Variants in TPH1 observed in about 807,000 individuals in gnomAD.
The protein encoded by TPH1 is tryptophan hydroxylase 1.
A neutral mutation model predicts 49.5 loss-of-function variants in TPH1; 37 were observed. That is an observed-to-expected ratio of 0.75 (90% CI 0.58 to 0.98). The LOEUF is 0.98. TPH1 is among the 50% of genes least tolerant of loss of function. The probability of loss-of-function intolerance (pLI) is 0.00; values close to 1 mark genes in which losing one functional copy is unlikely to be tolerated. For missense variants in TPH1, 487 were observed against 523.6 expected (o/e 0.93, Z 0.68); for synonymous variants, 160 against 182.1 (o/e 0.88, Z 0.98).
chr11:18,031,158 C>T (rs540990614), intron 4 of TPH1, among the ~76,000 whole-genome samples: 1 of 152,260 alleles, frequency 6.6e-6, no homozygotes, highest in Admixed American at 6.5e-5. Flanking sequence ...ACCAGTAATC[C>T]ACTGTCTATT....
At chr11:18,044,769 AC>A (rs1172883983) in intron 1 of TPH1, among the ~76,000 whole-genome samples, 15 of 125,792 alleles carry the variant, frequency 1.2e-4, no homozygotes, top group Non-Finnish European at 2.0e-4. Context: ...ACAAAACAAA[AC>A]AAAACAAAAA....
rs564080254 is a variant in TPH1, at chr11:18,037,182, G to C, written c.118-1040C>G. On this transcript the variant is annotated intron_variant, in intron 2 of 10. Transcript: ENST00000682019. ...AGGACCAGCCTGGACCACATAGCAA[G>C]ACCCTGTCTCTACAAAAAATAATAA... is the stretch of plus-strand genomic sequence containing the variant. Among the ~76,000 whole-genome samples, 5 of 152,042 alleles carry C rather than the reference G, an allele frequency of 3.3e-5. No individual in the cohort carries two copies. The South Asian group carries it at 1.0e-3, about 32-fold the overall frequency.
At chr11:18,038,531 T>C (rs1848068578) in intron 2 of TPH1, among the ~76,000 whole-genome samples, 1 of 152,084 alleles carries the variant, frequency 6.6e-6, no homozygotes, top group South Asian at 2.1e-4. Flanking sequence ...TGAGAGCAGC[T>C]CTCTATCAGA....
Position 18,020,985 on chromosome 11 carries a change from C to T in TPH1, c.*6G>A, listed in dbSNP as rs1384562476. The stretch of plus-strand genomic sequence containing the variant: ...TGCTCAAATGTTCCTGGATGACTGG[C>T]TACTGTTAGATACTCGGCTTCCTGC... On this transcript the variant is annotated 3_prime_UTR_variant, in exon 11 of 11. Transcript: ENST00000682019. The T allele has an allele frequency of 1.2e-6, 2 of 1,613,768 alleles. No homozygotes were observed. Among genetic ancestry groups the T allele is most frequent in the Non-Finnish European group, 1.7e-6 (2 of 1,179,792 alleles).
At chr11:18,026,181 C>T (rs950445716) in intron 7 of TPH1, among the ~76,000 whole-genome samples, 1 of 152,066 alleles carries the variant, frequency 6.6e-6, no homozygotes, top group Non-Finnish European at 1.5e-5. Context: ...TTATCTGTTT[C>T]CCCCACTGGA....
At chr11:18,046,007 G>T (rs1564861387) in intron 1 of TPH1, among the ~76,000 whole-genome samples, 1 of 152,204 alleles carries the variant, frequency 6.6e-6, no homozygotes, top group Non-Finnish European at 1.5e-5. Flanking sequence ...TGGCTAAAGA[G>T]TCTGTTCCTG....
rs1455602377 is a variant in TPH1 at position 18,023,913 on chromosome 11, A to C, written c.1001T>G (p.Leu334Ter). 26 of 1,613,282 alleles carry C rather than the reference A, an allele frequency of 1.6e-5. No individual in the cohort carries two copies. Among genetic ancestry groups the C allele is most frequent in the Non-Finnish European group, 2.2e-5 (26 of 1,179,660 alleles). The stretch of plus-strand genomic sequence containing the variant: ...TTTGAGTTCACTGATAGAAGAAAGT[A>C]AGCCAGCACCAAAGACTCTTAGCTG... The part of the protein sequence containing the change: ...DGQLRVFGAG[L>*]LSSISELKHA... The change falls in exon 9 of 11, where the codon TTA (leucine) becomes TGA (stop). Residue 334 changes from leucine to a stop codon, truncating the protein, a stop_gained. Transcript: ENST00000682019. LOFTEE classifies it high-confidence loss of function.
At chr11:18,037,525 A>T (rs1434114261) in intron 2 of TPH1, among the ~76,000 whole-genome samples, 1 of 152,198 alleles carries the variant, frequency 6.6e-6, no homozygotes, top group Non-Finnish European at 1.5e-5. Flanking sequence ...GATCAGGTGT[A>T]AAGAAGAGTT....
Position 18,019,315 on chromosome 11 carries a change from TA to T in TPH1, c.*1675del, listed in dbSNP as rs1255707820. The stretch of plus-strand genomic sequence containing the variant: ...AAAAGCCTATTTTTAAGTAGCTGAC[TA>T]AACCTAAAAATGATTGAAAATACGA... On this transcript the variant is annotated 3_prime_UTR_variant, in exon 11 of 11. Coordinates refer to ENST00000682019, the MANE Select transcript of TPH1 (RefSeq NM_004179.3). 1 of 165,160 alleles carries T rather than the reference TA, an allele frequency of 6.1e-6. No homozygotes were observed. The highest frequency in any genetic ancestry group is 1.3e-5 in the Non-Finnish European group (1 of 76,300). 10.2% of individuals were successfully genotyped at this position (165,160 alleles called of 1,614,324 possible). A position where few individuals can be genotyped will look rare whatever the true frequency, so the allele number is the denominator to read the frequency against.
At chr11:18,042,083 A>T (rs1363386077) in intron 1 of TPH1, among the ~76,000 whole-genome samples, 1 of 151,498 alleles carries the variant, frequency 6.6e-6, no homozygotes, top group African/African-American at 2.4e-5. Flanking sequence ...CCTTCCCACC[A>T]CCCCACCCCT....
chr11:18,021,653 C>T (rs1854365081), intron 10 of TPH1, among the ~76,000 whole-genome samples: 1 of 152,168 alleles, frequency 6.6e-6, no homozygotes, highest in Admixed American at 6.5e-5. Context: ...CACATACTCA[C>T]ACACCCCAAA....
chr11:18,028,782 T>C (rs1847953925), intron 6 of TPH1, among the ~76,000 whole-genome samples: 1 of 152,126 alleles, frequency 6.6e-6, no homozygotes, highest in Non-Finnish European at 1.5e-5. Flanking sequence ...AATGCTGTCA[T>C]TGTCGGGTGT....
Position 18,025,629 on chromosome 11 carries a change from T to C in TPH1, c.876A>G (p.Glu292=). The change falls in exon 8 of 11, where the codon GAA becomes GAG. Residue 292 remains glutamate, a synonymous_variant. Transcript: ENST00000682019. The part of the protein sequence containing the change: ...AEPSFAQFSQ[E]IGLASLGASE... Reference sequence around the variant, plus strand: ...AAGCGCCAAGAGAAGCCAAGCCAATTTCTTGGGAGAATTGGGCAAAACTAG... The same window carrying C: ...AAGCGCCAAGAGAAGCCAAGCCAATCTCTTGGGAGAATTGGGCAAAACTAG... The C allele has an allele frequency of 6.2e-7, 1 of 1,614,048 alleles. No homozygotes were observed. Among genetic ancestry groups the C allele is most frequent in the African/African-American group, 1.3e-5 (1 of 75,038 alleles).
At chr11:18,024,472 T>C (rs1847907773) in intron 8 of TPH1, among the ~76,000 whole-genome samples, 1 of 152,222 alleles carries the variant, frequency 6.6e-6, no homozygotes, top group African/African-American at 2.4e-5. Flanking sequence ...TTTTGGGATA[T>C]ACTGTTTGAG....
At chr11:18,025,491 T>C (rs1475383081) in intron 8 of TPH1, 84 bp downstream of exon 8, 1 of 1,590,680 alleles carries the variant, frequency 6.3e-7, no homozygotes, top group Non-Finnish European at 8.6e-7. Flanking sequence ...TTTCTAATGG[T>C]CATTCTGAAT....
intron 1 of TPH1, chr11:18,042,348 C>T (rs1328094157): frequency 6.6e-6 from 3 of 454,066 alleles, no homozygotes; most frequent in Non-Finnish European, 1.3e-5. Context: ...TGAAAACTTT[C>T]AGAAACGTTT....
rs1189242835 is a variant in TPH1 at position 18,020,323 on chromosome 11, G to T, written c.*668C>A. 1 of 153,612 alleles carries T rather than the reference G, an allele frequency of 6.5e-6. No individual in the cohort carries two copies. The highest frequency in any genetic ancestry group is 1.4e-5 in the Non-Finnish European group (1 of 69,102). The allele number at this position is 153,612 out of a possible 1,614,324, so 9.5% of individuals were successfully genotyped here. ...TAAAAAATAAAGTCTCGAATTTTTAGCCTAGTCTTAATGATTATGCCCCAT... is the reference window on the plus strand; with the variant it reads ...TAAAAAATAAAGTCTCGAATTTTTATCCTAGTCTTAATGATTATGCCCCAT... On this transcript the variant is annotated 3_prime_UTR_variant, in exon 11 of 11. Transcript: ENST00000682019.
chr11:18,035,678 G>A (rs184991340), intron 3 of TPH1, among the ~76,000 whole-genome samples: 91 of 151,860 alleles, frequency 6.0e-4, no homozygotes, highest in African/African-American at 2.1e-3. Flanking sequence ...AGTCTGCCTC[G>A]GCTTGCCAAA....
intron 8 of TPH1, among the ~76,000 whole-genome samples, chr11:18,024,395 G>A (rs1216801455): frequency 3.9e-5 from 6 of 152,142 alleles, no homozygotes; most frequent in African/African-American, 7.2e-5. Flanking sequence ...GTTTCACAAT[G>A]TTATAAACCT....
Sources: gnomAD v4.1 joint callset for allele counts (sites outside exome capture counted in the v4.1 genomes callset) on GRCh38, gnomAD v4.1.1 for gene constraint, MANE v1.5 for transcripts, NCBI Gene and HGNC (gene_info 2026-07-23, HGNC 2026-07-21) for gene names.